The following NRAP variants were observed in gnomAD, a reference collection of about 807,000 sequenced individuals.
NRAP encodes nebulin-related-anchoring protein.
NRAP carries 189 observed loss-of-function variants against 225.9 expected under a neutral mutation model. That is an observed-to-expected ratio of 0.84 (90% CI 0.74 to 0.94). The LOEUF is 0.94. NRAP is among the 40% of genes least tolerant of loss of function. The pLI is 0.00. For missense variants in NRAP, 2,176 were observed against 2,168.7 expected, an observed-to-expected ratio of 1.00 and a Z score of -0.07; for synonymous variants, 769 against 790.7, an observed-to-expected ratio of 0.97 and a Z score of 0.46.
At chr10:113,598,572 C>A (rs1012638307) in intron 35 of NRAP, among the ~76,000 whole-genome samples, 23 of 152,056 alleles carry the variant, frequency 1.5e-4, no homozygotes, top group African/African-American at 4.6e-4. Flanking sequence ...TTCATAACAA[C>A]CCCTCTGTTC....
Position 113,612,220 on chromosome 10 carries a change from C to T in NRAP, c.3498+14G>A, listed in dbSNP as rs375763619. Reference sequence around the variant, plus strand: ...AGAAGAAGGGGCCCTGAGAAAGAGGCCAGGTCTCCTTACCTCACTCTGCAA... The same window carrying T: ...AGAAGAAGGGGCCCTGAGAAAGAGGTCAGGTCTCCTTACCTCACTCTGCAA... On this transcript the variant is annotated intron_variant, in intron 30 of 41. Coordinates refer to ENST00000359988, the MANE Select transcript of NRAP (RefSeq NM_198060.4). 166 of 1,610,856 alleles carry T rather than the reference C, an allele frequency of 1.0e-4. No individual in the cohort carries two copies. The highest frequency in any genetic ancestry group is 8.3e-4 in the Middle Eastern group (5 of 6,000).
At chr10:113,641,702 A>C (rs1325247429) in intron 12 of NRAP, among the ~76,000 whole-genome samples, 1 of 152,244 alleles carries the variant, frequency 6.6e-6, no homozygotes, top group East Asian at 1.9e-4. Flanking sequence ...ACATGGGATC[A>C]GATGAGCATA....
intron 34 of NRAP, among the ~76,000 whole-genome samples, chr10:113,605,360 C>T (rs1284359550): frequency 6.6e-6 from 1 of 152,216 alleles, no homozygotes; most frequent in Admixed American, 6.5e-5. Flanking sequence ...GAAACACAGC[C>T]ATCAAATCCT....
intron 4 of NRAP, among the ~76,000 whole-genome samples, chr10:113,656,230 C>CT (rs57360870): frequency 0.32 from 49,370 of 152,072 alleles, 8,661 homozygotes; most frequent in African/African-American, 0.47. Flanking sequence ...CCAGACATTT[C>CT]TTCTATTGAT....
At chr10:113,613,485 G>C (rs979208221) in intron 29 of NRAP, among the ~76,000 whole-genome samples, 2 of 152,200 alleles carry the variant, frequency 1.3e-5, no homozygotes, top group Admixed American at 1.3e-4. Context: ...AGTTAACTGA[G>C]ACACTGTATA....
chr10:113,653,082 T>G (rs142192870), intron 5 of NRAP, 43 bp from the exon 6 acceptor site: 8 of 1,108,528 alleles, frequency 7.2e-6, no homozygotes, highest in Middle Eastern at 4.0e-4. Context: ...TGAGATGATA[T>G]TGAATGACAA....
At chr10:113,651,679 T>C in intron 7 of NRAP, 124 bp downstream of exon 7, 1 of 626,336 alleles carries the variant, frequency 1.6e-6, no homozygotes, top group Non-Finnish European at 2.8e-6. Context: ...TCTTGTTCCT[T>C]TTTATCATTC....
At chr10:113,627,200 G>A (rs1308547247) in intron 20 of NRAP, among the ~76,000 whole-genome samples, 1 of 152,210 alleles carries the variant, frequency 6.6e-6, no homozygotes, top group Non-Finnish European at 1.5e-5. Flanking sequence ...TAGTTCCACT[G>A]TGTTGAATGG....
Position 113,643,055 on chromosome 10 carries a change from C to A in NRAP, c.1111-17G>T, listed in dbSNP as rs1387784239. ...ATACTCCACCTTGGAAATCAAAACA[C>A]CAGACACACAATAGAACCAAATCCG... is the stretch of plus-strand genomic sequence containing the variant. On this transcript the variant is annotated splice_polypyrimidine_tract_variant and intron_variant, in intron 11 of 41. Transcript: ENST00000359988. 2 of 1,257,032 alleles carry A rather than the reference C, an allele frequency of 1.6e-6. No homozygotes were observed. The highest frequency in any genetic ancestry group is 2.3e-6 in the Non-Finnish European group (2 of 854,726). The allele number at this position is 1,257,032 out of a possible 1,614,324, so 77.9% of individuals were successfully genotyped here.
chr10:113,589,599 G>GAAAC, intron 41 of NRAP, 67 bp downstream of exon 41: 6 of 1,552,606 alleles, frequency 3.9e-6, no homozygotes, highest in Non-Finnish European at 5.2e-6. Flanking sequence ...ACTTTGAAAA[G>GAAAC]AAACAATGAG....
chr10:113,615,929 A>C, intron 26 of NRAP, 113 bp from the exon 27 acceptor site: 1 of 692,922 alleles, frequency 1.4e-6, no homozygotes, highest in Non-Finnish European at 2.7e-6. Context: ...TCATAGAGAC[A>C]TGATTTCGGG....
At position 113,588,914 on chromosome 10, in the gene NRAP, A is replaced by C. The variant is rs1564684982; in HGVS notation, c.*61T>G. 1.5e-6 allele frequency: 2 copies of C among 1,350,924 alleles called. No individual in the cohort carries two copies. Among genetic ancestry groups the C allele is most frequent in the South Asian group, 1.2e-5 (1 of 83,976 alleles). The allele number at this position is 1,350,924 out of a possible 1,614,324, so 83.7% of individuals were successfully genotyped here. On this transcript the variant is annotated 3_prime_UTR_variant, in exon 42 of 42. Coordinates refer to ENST00000359988, the MANE Select transcript of NRAP (RefSeq NM_198060.4). ...AGCTTGCCGAAATCAAAGCCATCTG[A>C]AGCCTGTCTCTGGTGAACAAACTTC...
chr10:113,632,665 AT>A (rs1384971803), intron 16 of NRAP, among the ~76,000 whole-genome samples: 1 of 151,052 alleles, frequency 6.6e-6, no homozygotes, highest in Admixed American at 6.6e-5. Context: ...AGTTCCTTTC[AT>A]TTTCTTCTCC....
intron 31 of NRAP, 84 bp downstream of exon 31, chr10:113,610,372 AAGG>A (rs2133923605): frequency 1.4e-6 from 1 of 690,120 alleles, no homozygotes; most frequent in African/African-American, 1.8e-5. Context: ...AAAAAAAAAA[AAGG>A]AAGAAAGAAA....
In NRAP at chr10:113,647,020, G is replaced by T; in HGVS notation, c.896C>A (p.Pro299Gln). ...ECADQYGQGY[P>Q]EEYEEHRGKG... Reference sequence around the variant, plus strand: ...TCCCCTGTGCTCCTCATACTCCTCCGGGTAACCCTGCCGGGTGCATCAAAA... The same window carrying T: ...TCCCCTGTGCTCCTCATACTCCTCCTGGTAACCCTGCCGGGTGCATCAAAA... The change falls in exon 10 of 42, where the codon CCG becomes CAG. Residue 299 changes from proline (P) to glutamine (Q), a missense_variant. Coordinates refer to ENST00000359988, the MANE Select transcript of NRAP (RefSeq NM_198060.4). 6.2e-7 allele frequency: 1 copy of T among 1,612,488 alleles called. No homozygotes were observed. The highest frequency in any genetic ancestry group is 8.5e-7 in the Non-Finnish European group (1 of 1,178,526).
intron 25 of NRAP, among the ~76,000 whole-genome samples, chr10:113,618,341 C>A (rs116564951): frequency 1.3e-3 from 199 of 152,324 alleles, no homozygotes; most frequent in African/African-American, 4.6e-3. Context: ...TAAACACACT[C>A]TTCTTTATCT....
At position 113,626,137 on chromosome 10, in the gene NRAP, G is replaced by A; in HGVS notation, c.2154C>T (p.Tyr718=). The A allele has an allele frequency of 6.2e-7, 1 of 1,604,316 alleles. No individual in the cohort carries two copies. Among genetic ancestry groups the A allele is most frequent in the African/African-American group, 1.3e-5 (1 of 74,818 alleles). Residue 718 remains tyrosine, a synonymous_variant, in exon 21 of 42, where the codon TAC becomes TAT. Transcript: ENST00000359988. ...ACTTCAGCTCATCGACCCTCTGCCG[G>A]TAGTTTTTCTGTTTCCAAAGGAAAG... is the stretch of plus-strand genomic sequence containing the variant. ...KAGQLVSEKN[Y]RQRVDELKFT... is the part of the protein sequence containing the mutation.
chr10:113,608,178 C>T (rs908666429), intron 32 of NRAP, among the ~76,000 whole-genome samples: 2 of 152,176 alleles, frequency 1.3e-5, no homozygotes, highest in Non-Finnish European at 2.9e-5. Context: ...CCAGGCAATG[C>T]TAATGTAGCT....
At chr10:113,659,617 G>C (rs1039472232) in intron 3 of NRAP, among the ~76,000 whole-genome samples, 1 of 152,160 alleles carries the variant, frequency 6.6e-6, no homozygotes, top group Non-Finnish European at 1.5e-5. Context: ...TCTTACCAGT[G>C]GGGTAAGGAA....
Sources: allele counts gnomAD v4.1 joint callset (sites outside exome capture counted in the v4.1 genomes callset), GRCh38; gene constraint gnomAD v4.1.1; transcripts MANE v1.5; gene names NCBI Gene and HGNC (gene_info 2026-07-23, HGNC 2026-07-21).